KCTD16: variants seen among roughly 807,000 people sequenced by gnomAD.
The protein encoded by KCTD16 is BTB/POZ domain-containing protein KCTD16.
KCTD16 carries 13 observed loss-of-function variants against 33.2 expected under a neutral mutation model. The ratio of observed to expected loss-of-function variants is 0.39; its 90% CI spans 0.25 to 0.62. The LOEUF (loss-of-function observed/expected upper bound fraction) is 0.62. Ranked by LOEUF, KCTD16 falls within the 20% of genes least tolerant of loss-of-function variation. KCTD16 has a pLI of 0.50. For missense variants in KCTD16, 441 were observed against 525.1 expected, an observed-to-expected ratio of 0.84 and a Z score of 1.57; for synonymous variants, 197 against 195.3, an observed-to-expected ratio of 1.01 and a Z score of -0.07.
Position 144,252,064 on chromosome 5 carries a change from A to G in KCTD16, c.832+44518A>G, listed in dbSNP as rs568343854. Among the ~76,000 whole-genome samples, 6 of 152,306 alleles carry G rather than the reference A, an allele frequency of 3.9e-5. No individual in the cohort carries two copies. The South Asian group carries it at 1.2e-3, about 32-fold the overall frequency. ...AATGATTACCAAAATCAAGGTAATTAACATATTCATTGCTTCACATAGTTA... is the reference window on the plus strand; with the variant it reads ...AATGATTACCAAAATCAAGGTAATTGACATATTCATTGCTTCACATAGTTA... On this transcript the variant is annotated intron_variant, in intron 3 of 3. Coordinates refer to ENST00000512467, the MANE Select transcript of KCTD16 (RefSeq NM_020768.4).
intron 3 of KCTD16, among the ~76,000 whole-genome samples, chr5:144,373,739 C>T (rs140572198): frequency 6.6e-6 from 1 of 152,298 alleles, no homozygotes; most frequent in East Asian, 1.9e-4. Flanking sequence ...TGTGAAGTTA[C>T]TGGCATAGGC....
At chr5:144,432,925 T>C (rs1021478562) in intron 3 of KCTD16, among the ~76,000 whole-genome samples, 6 of 152,154 alleles carry the variant, frequency 3.9e-5, no homozygotes, top group African/African-American at 1.4e-4. Context: ...TATTTAATCT[T>C]CACAGTTGAC....
chr5:144,337,452 G>A (rs1207107344), intron 3 of KCTD16, among the ~76,000 whole-genome samples: 1 of 152,070 alleles, frequency 6.6e-6, no homozygotes, highest in Non-Finnish European at 1.5e-5. Context: ...AAGTATTATA[G>A]AAAATTTTCT....
intron 3 of KCTD16, among the ~76,000 whole-genome samples, chr5:144,452,112 C>T (rs987013887): frequency 4.7e-5 from 7 of 147,544 alleles, no homozygotes; most frequent in South Asian, 2.1e-4. Flanking sequence ...CATTTCACCC[C>T]GCTGCTCCCA....
chr5:144,456,087 A>G (rs957069874), intron 3 of KCTD16, among the ~76,000 whole-genome samples: 1 of 152,008 alleles, frequency 6.6e-6, no homozygotes, highest in Non-Finnish European at 1.5e-5. Context: ...ACCTCCCTCA[A>G]ATGATAGGAA....
At chr5:144,433,796 T>C (rs1753518868) in intron 3 of KCTD16, among the ~76,000 whole-genome samples, 1 of 152,204 alleles carries the variant, frequency 6.6e-6, no homozygotes. Flanking sequence ...AAGCCTTGTT[T>C]TTCTGCTCTA....
chr5:144,194,892 A>G lies in KCTD16; in HGVS notation c.-326-11497A>G, dbSNP rs540559287. Among the ~76,000 whole-genome samples the G allele has an allele frequency of 3.3e-5, 5 of 152,350 alleles. No homozygotes were observed. The South Asian group carries it at 6.2e-4, about 19-fold the overall frequency. On this transcript the variant is annotated intron_variant, in intron 2 of 3. Coordinates refer to ENST00000512467, the MANE Select transcript of KCTD16 (RefSeq NM_020768.4). ...TGTTTTGGTATTTTTTGTGAATACT[A>G]TGAATTTGTGAATACTAGGTGAACT...
chr5:144,449,814 T>C (rs1272942597), intron 3 of KCTD16, among the ~76,000 whole-genome samples: 2 of 151,992 alleles, frequency 1.3e-5, no homozygotes, highest in Non-Finnish European at 2.9e-5. Context: ...AAGTGGACTA[T>C]ACTTAAACAT....
chr5:144,264,560 C>T (rs1180051518), intron 3 of KCTD16, among the ~76,000 whole-genome samples: 5 of 151,978 alleles, frequency 3.3e-5, no homozygotes, highest in South Asian at 2.1e-4. Context: ...CCCAGGAGTT[C>T]GAGTCCAGTC....
chr5:144,466,224 A>T (rs1265725437), intron 3 of KCTD16, among the ~76,000 whole-genome samples: 6 of 144,982 alleles, frequency 4.1e-5, no homozygotes, highest in African/African-American at 1.6e-4. Context: ...ATTATATCTT[A>T]GTTCACTAGC....
rs181385604 is a variant in KCTD16, at chr5:144,428,672, G to T, written c.833-44988G>T. On this transcript the variant is annotated intron_variant, in intron 3 of 3. Transcript: ENST00000512467. Reference sequence around the variant, plus strand: ...TGTTTTCAAGCCCTACTACTACATCGTTGGGATATAGCAGGGGAAGTAAGT... The same window carrying T: ...TGTTTTCAAGCCCTACTACTACATCTTTGGGATATAGCAGGGGAAGTAAGT... Among the ~76,000 whole-genome samples the T allele has an allele frequency of 1.1e-4, 17 of 152,272 alleles. No homozygotes were observed. In the East Asian group the frequency reaches 1.9e-3, roughly 17 times the overall value.
At chr5:144,367,980 G>T (rs6884235) in intron 3 of KCTD16, among the ~76,000 whole-genome samples, 1,878 of 151,526 alleles carry the variant, frequency 0.012, 32 homozygotes, top group African/African-American at 0.043. Flanking sequence ...TGTAGAATGG[G>T]AATAATAATG....
chr5:144,445,162 C>G (rs765665556), intron 3 of KCTD16, among the ~76,000 whole-genome samples: 7 of 151,690 alleles, frequency 4.6e-5, no homozygotes, highest in Non-Finnish European at 1.0e-4. Flanking sequence ...CTTTTGATCT[C>G]AACTTCTTAA....
intron 3 of KCTD16, chr5:144,439,243 A>G (rs938929294): frequency 1.6e-5 from 4 of 255,104 alleles, no homozygotes; most frequent in Admixed American, 1.0e-4. Context: ...GAGAAATACA[A>G]TGATGAGGGG....
chr5:144,341,291 G>A (rs1053756112), intron 3 of KCTD16, among the ~76,000 whole-genome samples: 12 of 152,126 alleles, frequency 7.9e-5, no homozygotes, highest in African/African-American at 2.9e-4. Context: ...TTCTGGATGG[G>A]GTGGTAGAAG....
intron 3 of KCTD16, among the ~76,000 whole-genome samples, chr5:144,396,092 A>G (rs1037373679): frequency 6.6e-6 from 1 of 152,158 alleles, no homozygotes; most frequent in African/African-American, 2.4e-5. Context: ...GGTGGATGAC[A>G]TAATGGGGAG....
intron 3 of KCTD16, among the ~76,000 whole-genome samples, chr5:144,411,803 C>A (rs749483716): frequency 2.0e-5 from 3 of 152,072 alleles, no homozygotes; most frequent in Non-Finnish European, 2.9e-5. Flanking sequence ...AGATTAATAA[C>A]CACAACATAC....
intron 2 of KCTD16, among the ~76,000 whole-genome samples, chr5:144,192,090 G>C (rs545523081): frequency 4.5e-4 from 69 of 152,294 alleles, no homozygotes; most frequent in African/African-American, 1.6e-3. Context: ...GACTTTGGGA[G>C]CTTAAGACTT....
chr5:144,392,579 G>T lies in KCTD16; in HGVS notation c.833-81081G>T, dbSNP rs1258217506. 3.9e-5 allele frequency among the ~76,000 whole-genome samples: 6 copies of T among 152,336 alleles called. No homozygotes were observed. The East Asian group carries it at 1.2e-3, about 29-fold the overall frequency. On this transcript the variant is annotated intron_variant, in intron 3 of 3. Transcript: ENST00000512467. ...GAGGTTATTGCAGTCATCCAGGCAA[G>T]AAATGTGGATGGCTGCGGTTGGCCT...
Sources: gnomAD v4.1 joint callset for allele counts (sites outside exome capture counted in the v4.1 genomes callset) on GRCh38, gnomAD v4.1.1 for gene constraint, MANE v1.5 for transcripts, NCBI Gene and HGNC (gene_info 2026-07-23, HGNC 2026-07-21) for gene names.